Variants in AATF observed in about 807,000 individuals in gnomAD.
AATF encodes protein AATF.
AATF carries 48 observed loss-of-function variants against 63.7 expected under a neutral mutation model. That is an observed-to-expected ratio of 0.75 (90% CI 0.60 to 0.96). The LOEUF is 0.96. Ranked by LOEUF, AATF falls within the 40% of genes least tolerant of loss-of-function variation. The probability of loss-of-function intolerance (pLI) is 0.00; values close to 1 mark genes in which losing one functional copy is unlikely to be tolerated. For missense variants in AATF, 639 were observed against 685.7 expected (o/e 0.93, Z 0.76); for synonymous variants, 258 against 247.7 (o/e 1.04, Z -0.39).
intron 8 of AATF, among the ~76,000 whole-genome samples, chr17:37,002,938 A>C (rs1217147393): frequency 1.4e-5 from 2 of 145,724 alleles, no homozygotes; most frequent in African/African-American, 5.1e-5. Flanking sequence ...AGAAATTAAC[A>C]AGCTGATTCT....
intron 4 of AATF, among the ~76,000 whole-genome samples, chr17:36,972,672 T>A (rs946700764): frequency 7.5e-5 from 6 of 79,938 alleles, no homozygotes; most frequent in South Asian, 5.5e-4. Context: ...GGAGTAAACA[T>A]TTTTTTTTTT....
At chr17:36,974,299 T>C (rs546085559) in intron 4 of AATF, among the ~76,000 whole-genome samples, 1 of 152,320 alleles carries the variant, frequency 6.6e-6, no homozygotes, top group East Asian at 1.9e-4. Flanking sequence ...TGAATATTTT[T>C]CCTTGTCATT....
chr17:36,956,410 C>T (rs1043338563), intron 4 of AATF, among the ~76,000 whole-genome samples: 2 of 152,204 alleles, frequency 1.3e-5, no homozygotes, highest in African/African-American at 4.8e-5. Context: ...CAGTGGCTCA[C>T]GCCTGTAATG....
In AATF at chr17:36,992,704, C is replaced by T. The variant is rs1400989914; in HGVS notation, c.1398+1847C>T. Among the ~76,000 whole-genome samples, 10 of 149,374 alleles carry T rather than the reference C, an allele frequency of 6.7e-5. No homozygotes were observed. In the Middle Eastern group the frequency reaches 0.01, roughly 153 times the overall value. ...TCATCCCAATTAATAATTTTAACTT[C>T]GATAAATTCTGATTTCAGAGTTATG... is the stretch of plus-strand genomic sequence containing the variant. On this transcript the variant is annotated intron_variant, in intron 8 of 11. Transcript: ENST00000619387.
intron 4 of AATF, among the ~76,000 whole-genome samples, chr17:36,962,556 TCAGAAA>T (rs1217464168): frequency 6.7e-6 from 1 of 149,116 alleles, no homozygotes; most frequent in African/African-American, 2.6e-5. Flanking sequence ...GTCTTCAGCA[TCAGAAA>T]CAATTTTTTT....
At chr17:37,037,930 C>T (rs1442447610) in intron 11 of AATF, among the ~76,000 whole-genome samples, 3 of 152,140 alleles carry the variant, frequency 2.0e-5, no homozygotes, top group Non-Finnish European at 2.9e-5. Context: ...CTCTCTTGCT[C>T]CTGCTGTGGC....
At chr17:36,980,336 G>A (rs1303517638) in intron 4 of AATF, 2 of 152,158 alleles carry the variant, frequency 1.3e-5, no homozygotes, top group East Asian at 1.9e-4. Context: ...AATATGATGA[G>A]GCATATGTCC....
chr17:37,037,205 T>C (rs958708103), intron 11 of AATF, among the ~76,000 whole-genome samples: 5 of 150,244 alleles, frequency 3.3e-5, no homozygotes, highest in East Asian at 2.0e-4. Context: ...TTAATAGAGG[T>C]GGGGTTTCAC....
At chr17:37,016,518 C>T (rs577248544) in intron 8 of AATF, among the ~76,000 whole-genome samples, 21 of 152,274 alleles carry the variant, frequency 1.4e-4, no homozygotes, top group Non-Finnish European at 2.8e-4. Context: ...AGAGCAAAAA[C>T]ATTTTCTCTC....
Position 36,985,740 on chromosome 17 carries a change from G to T in AATF, c.833-877G>T, listed in dbSNP as rs577616539. 1.3e-4 allele frequency among the ~76,000 whole-genome samples: 19 copies of T among 151,714 alleles called. No individual in the cohort carries two copies. The South Asian group carries it at 4.0e-3, about 32-fold the overall frequency. On this transcript the variant is annotated intron_variant, in intron 4 of 11. Transcript: ENST00000619387. ...TTTGTATTTTTTTTTTAGTAGAGAT[G>T]GGGTTTCACCATGTTGGCTAGGCTG...
chr17:37,056,489 G>A (rs1470413643), intron 11 of AATF, 112 bp from the exon 12 acceptor site: 3 of 1,056,410 alleles, frequency 2.8e-6, no homozygotes, highest in Non-Finnish European at 2.9e-6. Flanking sequence ...TAATTACATG[G>A]CTGTGTTTTC....
At chr17:36,982,640 C>T (rs935899015) in intron 4 of AATF, among the ~76,000 whole-genome samples, 1 of 152,200 alleles carries the variant, frequency 6.6e-6, no homozygotes, top group African/African-American at 2.4e-5. Flanking sequence ...GCGTGAGCCA[C>T]CGCGCCCAGC....
chr17:37,006,767 C>T (rs115836780), intron 8 of AATF, among the ~76,000 whole-genome samples: 2 of 152,168 alleles, frequency 1.3e-5, no homozygotes, highest in Non-Finnish European at 2.9e-5. Flanking sequence ...AATATTATGG[C>T]CTTTGAAGTA....
At chr17:37,009,836 A>C (rs1029183860) in intron 8 of AATF, among the ~76,000 whole-genome samples, 13 of 150,442 alleles carry the variant, frequency 8.6e-5, no homozygotes, top group East Asian at 3.9e-4. Context: ...AAAAAAAAAA[A>C]AAAAAAAAAA....
At chr17:37,003,345 T>G (rs2071316213) in intron 8 of AATF, among the ~76,000 whole-genome samples, 1 of 151,954 alleles carries the variant, frequency 6.6e-6, no homozygotes, top group Non-Finnish European at 1.5e-5. Flanking sequence ...GAGCTGAAAC[T>G]ATTAAACTTT....
chr17:37,049,075 G>A (rs2071722600), intron 11 of AATF, among the ~76,000 whole-genome samples: 1 of 152,114 alleles, frequency 6.6e-6, no homozygotes, highest in Non-Finnish European at 1.5e-5. Context: ...GTTTAAGGAA[G>A]ATATTGTCAC....
At chr17:37,047,824 G>T (rs1184827778) in intron 11 of AATF, among the ~76,000 whole-genome samples, 1 of 152,208 alleles carries the variant, frequency 6.6e-6, no homozygotes, top group African/African-American at 2.4e-5. Context: ...AACGAGTCGT[G>T]TACTGCCACC....
intron 4 of AATF, among the ~76,000 whole-genome samples, chr17:36,956,917 A>G (rs2070905798): frequency 6.6e-6 from 1 of 152,094 alleles, no homozygotes; most frequent in Non-Finnish European, 1.5e-5. Context: ...CAAAGGTTGT[A>G]GTGAGCTGAG....
chr17:37,040,390 T>C (rs1412804830), intron 11 of AATF, among the ~76,000 whole-genome samples: 1 of 152,106 alleles, frequency 6.6e-6, no homozygotes, highest in East Asian at 1.9e-4. Flanking sequence ...AATAATCATA[T>C]CATATTTCAC....
Sources: allele counts gnomAD v4.1 joint callset (sites outside exome capture counted in the v4.1 genomes callset), GRCh38; gene constraint gnomAD v4.1.1; transcripts MANE v1.5; gene names NCBI Gene and HGNC (gene_info 2026-07-23, HGNC 2026-07-21).